The following AGBL1 variants were observed in gnomAD, a reference collection of about 807,000 sequenced individuals.
AGBL1 encodes the protein AGBL carboxypeptidase 1.
Under a neutral mutation model 118.9 loss-of-function variants are expected in AGBL1, and 130 were observed. The ratio of observed to expected loss-of-function variants is 1.09; its 90% CI spans 0.95 to 1.26. AGBL1 has a LOEUF of 1.26. Among genes scored for constraint, AGBL1 ranks in the 50% most tolerant of loss-of-function variants. The pLI, the probability that AGBL1 is intolerant of heterozygous loss-of-function variation, is 0.00. For missense variants in AGBL1, 1,584 were observed against 1,298.1 expected (o/e 1.22, Z -3.38); for synonymous variants, 555 against 478.9 (o/e 1.16, Z -2.08).
chr15:86,903,742 G>A (rs2080242999), intron 22 of AGBL1, among the ~76,000 whole-genome samples: 1 of 152,146 alleles, frequency 6.6e-6, no homozygotes, highest in African/African-American at 2.4e-5. Flanking sequence ...GTGTGGGGAG[G>A]GGCTCCTTGC....
At chr15:86,874,381 G>GACACACACACACAC (rs58756904) in intron 22 of AGBL1, among the ~76,000 whole-genome samples, 6,764 of 148,948 alleles carry the variant, frequency 0.045, 201 homozygotes, top group East Asian at 0.13. Flanking sequence ...TTGTGGGTGG[G>GACACACACACACAC]ACACACACAC....
intron 18 of AGBL1, among the ~76,000 whole-genome samples, chr15:86,432,463 G>GAGA: frequency 6.6e-6 from 1 of 152,190 alleles, no homozygotes; most frequent in African/African-American, 2.4e-5. Context: ...TGATTAGCCT[G>GAGA]TGTTAGTGTG....
At chr15:86,300,395 C>G (rs191417815) in intron 17 of AGBL1, among the ~76,000 whole-genome samples, 3 of 152,210 alleles carry the variant, frequency 2.0e-5, no homozygotes, top group Non-Finnish European at 4.4e-5. Context: ...GACCCTATAA[C>G]AACATTGTCT....
chr15:86,380,162 T>C (rs1416143250), intron 17 of AGBL1, among the ~76,000 whole-genome samples: 1 of 152,074 alleles, frequency 6.6e-6, no homozygotes, highest in Non-Finnish European at 1.5e-5. Flanking sequence ...TCTCACATGA[T>C]AGACAACTTT....
intron 23 of AGBL1, among the ~76,000 whole-genome samples, chr15:86,979,108 C>G (rs1437435713): frequency 1.3e-5 from 2 of 152,154 alleles, no homozygotes; most frequent in African/African-American, 4.8e-5. Context: ...ATGCTTTCAT[C>G]TAAACTGTCA....
intron 23 of AGBL1, among the ~76,000 whole-genome samples, chr15:86,983,261 A>T (rs1389238117): frequency 6.6e-6 from 1 of 152,058 alleles, no homozygotes; most frequent in South Asian, 2.1e-4. Context: ...GATTTGCAGG[A>T]TCTTCTATTA....
intron 22 of AGBL1, among the ~76,000 whole-genome samples, chr15:86,755,678 G>T (rs1474463045): frequency 1.3e-5 from 2 of 152,068 alleles, no homozygotes; most frequent in Admixed American, 6.6e-5. Flanking sequence ...CTGTGCCTCT[G>T]TTCCTTCATG....
Position 86,749,612 on chromosome 15 carries a change from G to C in AGBL1, c.3158+75176G>C, listed in dbSNP as rs1199020879. ...CCAGTTTACAAAGGGAATGCTTCCA[G>C]TTTTTGCCCATTCAGTTTGATATTG... On this transcript the variant is annotated intron_variant, in intron 22 of 22. Transcript: ENST00000614907. 3.9e-5 allele frequency among the ~76,000 whole-genome samples: 6 copies of C among 152,132 alleles called. No individual in the cohort carries two copies. The East Asian group carries it at 1.2e-3, about 29-fold the overall frequency.
chr15:86,418,468 A>T (rs905836742), intron 18 of AGBL1, among the ~76,000 whole-genome samples: 1 of 152,314 alleles, frequency 6.6e-6, no homozygotes, highest in East Asian at 1.9e-4. Context: ...TCTTGGTTAC[A>T]GGTGCTGGTT....
At chr15:86,780,634 A>G (rs1257526713) in intron 22 of AGBL1, among the ~76,000 whole-genome samples, 1 of 150,486 alleles carries the variant, frequency 6.6e-6, no homozygotes, top group African/African-American at 2.4e-5. Flanking sequence ...ATATCTTTCA[A>G]TTAATTGGGT....
chr15:86,297,101 A>C (rs1241609380), intron 17 of AGBL1: 2 of 152,170 alleles, frequency 1.3e-5, no homozygotes, highest in Non-Finnish European at 2.9e-5. Flanking sequence ...GAGAAAGAGA[A>C]AAAATATCTC....
intron 18 of AGBL1, among the ~76,000 whole-genome samples, chr15:86,416,185 C>T (rs928674105): frequency 6.6e-6 from 1 of 152,072 alleles, no homozygotes; most frequent in African/African-American, 2.4e-5. Context: ...GTAGAGATGA[C>T]TAAATATTGA....
chr15:86,822,819 T>C (rs1335625512), intron 22 of AGBL1, among the ~76,000 whole-genome samples: 3 of 150,352 alleles, frequency 2.0e-5, no homozygotes, highest in Admixed American at 6.6e-5. Flanking sequence ...GGGAAAGAGA[T>C]GTGGAGGATA....
At chr15:86,719,751 A>G (rs1203018334) in intron 22 of AGBL1, among the ~76,000 whole-genome samples, 1 of 152,256 alleles carries the variant, frequency 6.6e-6, no homozygotes, top group Non-Finnish European at 1.5e-5. Flanking sequence ...CAACACTAAA[A>G]TGTATCACTT....
intron 17 of AGBL1, among the ~76,000 whole-genome samples, chr15:86,376,735 C>T (rs1567224970): frequency 6.6e-6 from 1 of 152,176 alleles, no homozygotes; most frequent in Non-Finnish European, 1.5e-5. Context: ...GAGCATGGCT[C>T]AAGCTCTCAT....
At chr15:86,337,712 G>T (rs1025139008) in intron 17 of AGBL1, among the ~76,000 whole-genome samples, 1 of 152,108 alleles carries the variant, frequency 6.6e-6, no homozygotes, top group Non-Finnish European at 1.5e-5. Context: ...GTCGAGGGAG[G>T]GTGGAGGGTG....
At chr15:86,732,867 A>G (rs1237967899) in intron 22 of AGBL1, among the ~76,000 whole-genome samples, 1 of 151,354 alleles carries the variant, frequency 6.6e-6, no homozygotes. Flanking sequence ...AACCAATAAG[A>G]TATATATAGA....
rs959451681 is a variant in AGBL1, at chr15:86,916,116, A to C, written c.*8822A>C. On this transcript the variant is annotated 3_prime_UTR_variant, in exon 23 of 23. Coordinates refer to ENST00000614907, the MANE Select transcript of AGBL1 (RefSeq NM_001386094.1). ...CCTAAGCTGGGCACATAGGAACGGA[A>C]ATGCATTGACTTTAATAAAACAGAG... is the stretch of plus-strand genomic sequence containing the variant. 1 of 152,200 alleles carries C rather than the reference A, an allele frequency of 6.6e-6. No individual in the cohort carries two copies. The highest frequency in any genetic ancestry group is 2.4e-5 in the African/African-American group (1 of 41,454). 9.4% of individuals were successfully genotyped at this position (152,200 alleles called of 1,614,324 possible). A position where few individuals can be genotyped will look rare whatever the true frequency, so the allele number is the denominator to read the frequency against.
chr15:86,868,356 G>A (rs2079666142), intron 22 of AGBL1, among the ~76,000 whole-genome samples: 1 of 152,198 alleles, frequency 6.6e-6, no homozygotes, highest in East Asian at 1.9e-4. Context: ...ACACAAGACT[G>A]TAACCTCTTG....
Sources: allele counts gnomAD v4.1 joint callset (sites outside exome capture counted in the v4.1 genomes callset), GRCh38; gene constraint gnomAD v4.1.1; transcripts MANE v1.5; gene names NCBI Gene and HGNC (gene_info 2026-07-23, HGNC 2026-07-21).